The following GNB1 variants were observed in gnomAD, a reference collection of about 807,000 sequenced individuals.
GNB1 encodes the protein G protein subunit beta 1.
Under a neutral mutation model 42.9 loss-of-function variants are expected in GNB1, and 2 were observed. That is an observed-to-expected ratio of 0.05 (90% CI 0.02 to 0.15). The LOEUF (loss-of-function observed/expected upper bound fraction) is 0.15. Among genes scored for constraint, GNB1 ranks in the 10% least tolerant of loss-of-function variants. GNB1 has a pLI of 1.00. For missense variants in GNB1, 193 were observed against 462.2 expected (o/e 0.42, Z 5.34); for synonymous variants, 183 against 174.7 (o/e 1.05, Z -0.38).
At chr1:1,884,918 C>G (rs376146685) in intron 1 of GNB1, among the ~76,000 whole-genome samples, 113 of 149,638 alleles carry the variant, frequency 7.6e-4, no homozygotes, top group African/African-American at 2.6e-3. Flanking sequence ...CTCCTGACAT[C>G]GTGATCTGCC....
At chr1:1,858,724 G>A (rs769680344) in intron 1 of GNB1, among the ~76,000 whole-genome samples, 3 of 152,204 alleles carry the variant, frequency 2.0e-5, no homozygotes, top group Non-Finnish European at 2.9e-5. Flanking sequence ...GCCAAGGGAA[G>A]CACAGCAGAA....
At chr1:1,817,585 C>A in intron 4 of GNB1, 1 of 332,532 alleles carries the variant, frequency 3.0e-6, no homozygotes, top group Non-Finnish European at 5.5e-6. Flanking sequence ...AAGACAATAA[C>A]AATATTTTAC....
chr1:1,873,446 T>C (rs765617774), intron 1 of GNB1, among the ~76,000 whole-genome samples: 1 of 152,212 alleles, frequency 6.6e-6, no homozygotes, highest in Non-Finnish European at 1.5e-5. Context: ...CAACTGTTAA[T>C]TGCCCTTGCT....
At chr1:1,845,891 G>C (rs897370888) in intron 1 of GNB1, among the ~76,000 whole-genome samples, 1 of 147,174 alleles carries the variant, frequency 6.8e-6, no homozygotes, top group Non-Finnish European at 1.5e-5. Flanking sequence ...CCTATCTCTT[G>C]TCAACTGAAA....
At position 1,817,983 on chromosome 1, in the gene GNB1, A is replaced by T. The variant is rs115594829; in HGVS notation, c.58-108T>A. On this transcript the variant is annotated intron_variant, in intron 3 of 11. Transcript: ENST00000378609. ...AGCTTTCCTAAGCTGTCAGGAGCAA[A>T]AGCAGAATGTGAAAGAACGGCAGAG... 5.7e-4 allele frequency: 476 copies of T among 835,362 alleles called. 2 individuals carry two copies. In the African/African-American group the frequency reaches 7.2e-3, roughly 13 times the overall value. 51.7% of individuals were successfully genotyped at this position (835,362 alleles called of 1,614,324 possible). A position where few individuals can be genotyped will look rare whatever the true frequency, so the allele number is the denominator to read the frequency against.
intron 1 of GNB1, among the ~76,000 whole-genome samples, chr1:1,853,970 G>C (rs565952314): frequency 2.0e-5 from 3 of 152,230 alleles, no homozygotes; most frequent in African/African-American, 4.8e-5. Flanking sequence ...ATCTGGGTTC[G>C]TATTTGTATG....
chr1:1,884,489 G>A (rs1352570567), intron 1 of GNB1, among the ~76,000 whole-genome samples: 1 of 152,154 alleles, frequency 6.6e-6, no homozygotes, highest in African/African-American at 2.4e-5. Flanking sequence ...TGGGTTTACA[G>A]GCATGAGCCA....
At chr1:1,792,318 C>A (rs1646491372) in intron 8 of GNB1, among the ~76,000 whole-genome samples, 1 of 152,066 alleles carries the variant, frequency 6.6e-6, no homozygotes. Context: ...ACCCACCCTA[C>A]TCCCACCTAT....
chr1:1,867,746 T>C lies in GNB1; in HGVS notation c.-96+23074A>G, dbSNP rs1649023296. Among the ~76,000 whole-genome samples the C allele has an allele frequency of 2.6e-5, 4 of 152,234 alleles. No homozygotes were observed. In the South Asian group the frequency reaches 6.2e-4, roughly 24 times the overall value. On this transcript the variant is annotated intron_variant, in intron 1 of 11. Transcript: ENST00000378609. ...AAACAGGCATCTTTTGCTGTAGATA[T>C]GTTCCGAATGCTTAAGCAGATATCT...
intron 1 of GNB1, chr1:1,890,499 G>C (rs1217145663): frequency 6.8e-6 from 1 of 146,172 alleles, no homozygotes; most frequent in Non-Finnish European, 1.5e-5. Flanking sequence ...CGCCCGACCC[G>C]CGCCCCCGGG....
intron 7 of GNB1, 189 bp from the exon 8 acceptor site, chr1:1,793,500 G>T: frequency 2.1e-6 from 1 of 472,390 alleles, no homozygotes. Flanking sequence ...GAGGGTGAGA[G>T]CCTGGCCAGG....
intron 1 of GNB1, among the ~76,000 whole-genome samples, chr1:1,868,230 C>T (rs1649050370): frequency 6.6e-6 from 1 of 152,044 alleles, no homozygotes; most frequent in South Asian, 2.1e-4. Flanking sequence ...GGCTGGAGTG[C>T]AATGGTGCGA....
Position 1,787,797 on chromosome 1 carries a change from C to G in GNB1, c.917-360G>C, listed in dbSNP as rs1421414642. Among the ~76,000 whole-genome samples the G allele has an allele frequency of 1.3e-5, 2 of 152,056 alleles. No individual in the cohort carries two copies. Among genetic ancestry groups the G allele is most frequent in the South Asian group, 4.1e-4 (2 of 4,826 alleles). ...CTGTAATCCCAGCACGTTGGAAGGC[C>G]GAGGCAGGCAGATCATGAGGTCAGG... On this transcript the variant is annotated intron_variant, in intron 10 of 11. Coordinates refer to ENST00000378609, the MANE Select transcript of GNB1 (RefSeq NM_002074.5). This position sits in a 1 kb window ranked among gnomAD's most constrained non-coding sequence, Gnocchi z 4.4.
At chr1:1,890,528 G>A (rs1013843400) in intron 1 of GNB1, 16 of 147,230 alleles carry the variant, frequency 1.1e-4, no homozygotes, top group African/African-American at 4.0e-4. Flanking sequence ...CGCCGCCACG[G>A]GAAGCGCCCG....
chr1:1,806,573 C>T (rs761234962), intron 5 of GNB1, 35 bp from the exon 6 acceptor site: 9 of 1,412,674 alleles, frequency 6.4e-6, no homozygotes, highest in Middle Eastern at 1.8e-4. Context: ...CTATCAGTAC[C>T]GCACAACACA....
At chr1:1,855,380 A>G (rs1648224054) in intron 1 of GNB1, among the ~76,000 whole-genome samples, 1 of 151,692 alleles carries the variant, frequency 6.6e-6, no homozygotes, top group Non-Finnish European at 1.5e-5. Flanking sequence ...ATCCAAGTTA[A>G]CCAGCAATGA....
intron 6 of GNB1, among the ~76,000 whole-genome samples, chr1:1,805,613 T>G (rs949422015): frequency 1.3e-5 from 2 of 151,898 alleles, no homozygotes; most frequent in African/African-American, 4.8e-5. Context: ...TGATCTAGGC[T>G]CACTGCAACC....
At chr1:1,847,849 A>C (rs976129556) in intron 1 of GNB1, among the ~76,000 whole-genome samples, 1 of 152,182 alleles carries the variant, frequency 6.6e-6, no homozygotes, top group East Asian at 1.9e-4. Context: ...GCTATTAGAC[A>C]CCACACCAGA....
chr1:1,851,774 C>T (rs1330989643), intron 1 of GNB1, among the ~76,000 whole-genome samples: 1 of 151,932 alleles, frequency 6.6e-6, no homozygotes, highest in Non-Finnish European at 1.5e-5. Flanking sequence ...CCGGGCACAG[C>T]GGCTCACGCC....
Sources: allele counts gnomAD v4.1 joint callset (sites outside exome capture counted in the v4.1 genomes callset), GRCh38; gene constraint gnomAD v4.1.1; non-coding constraint Gnocchi (gnomAD v3.1); transcripts MANE v1.5; gene names NCBI Gene and HGNC (gene_info 2026-07-23, HGNC 2026-07-21).